Variants in PPFIBP2 observed in about 807,000 individuals in gnomAD.
The protein encoded by PPFIBP2 is liprin-beta-2.
PPFIBP2 carries 118 observed loss-of-function variants against 118.3 expected under a neutral mutation model. The observed-to-expected ratio is 1.00, with a 90% CI of 0.86 to 1.16. The LOEUF is 1.16. Ranked by LOEUF, PPFIBP2 falls within the 50% of genes most tolerant of loss-of-function variation. PPFIBP2 has a pLI of 0.00. For missense variants in PPFIBP2, 1,195 were observed against 1,073.1 expected (o/e 1.11, Z -1.59); for synonymous variants, 414 against 397.4 (o/e 1.04, Z -0.50).
At chr11:7,621,202 C>T (rs577711302) in intron 7 of PPFIBP2, among the ~76,000 whole-genome samples, 175 bp downstream of exon 7, 21 of 152,240 alleles carry the variant, frequency 1.4e-4, no homozygotes, top group African/African-American at 5.1e-4. Context: ...AGGAAAGATC[C>T]TCATGGAGAA....
At chr11:7,642,137 G>C in intron 16 of PPFIBP2, 161 bp from the exon 17 acceptor site, 1 of 809,094 alleles carries the variant, frequency 1.2e-6, no homozygotes, top group Non-Finnish European at 1.9e-6. Flanking sequence ...TGGCCAAGGA[G>C]CTGCGACAGG....
rs570472648 is a variant in PPFIBP2, at chr11:7,649,232, T to A, written c.1995T>A (p.Thr665=). The A allele has an allele frequency of 6.2e-7, 1 of 1,611,688 alleles. No homozygotes were observed. The highest frequency in any genetic ancestry group is 2.2e-5 in the East Asian group (1 of 44,882). ...ACAGACGAATGCTGCAATACCTAACTGTGGTGAGGACTTTTTCTTTAAATA... is the reference window on the plus strand; with the variant it reads ...ACAGACGAATGCTGCAATACCTAACAGTGGTGAGGACTTTTTCTTTAAATA... ...RVDRRMLQYL[T]VNDLLFLKVT... The change falls in exon 20 of 24, where the codon ACT becomes ACA. Residue 665 remains threonine, a synonymous_variant. Coordinates refer to ENST00000299492, the MANE Select transcript of PPFIBP2 (RefSeq NM_003621.5).
intron 1 of PPFIBP2, among the ~76,000 whole-genome samples, chr11:7,537,437 G>A (rs922133563): frequency 5.9e-5 from 9 of 152,222 alleles, no homozygotes; most frequent in Admixed American, 2.6e-4. Context: ...GCACAGGCTC[G>A]AAATAATTCA....
rs1207006337 is a variant in PPFIBP2 at position 7,616,327 on chromosome 11, T to C, written c.619-4608T>C. Among the ~76,000 whole-genome samples, 2 of 152,230 alleles carry C rather than the reference T, an allele frequency of 1.3e-5. No homozygotes were observed. The highest frequency in any genetic ancestry group is 2.9e-5 in the Non-Finnish European group (2 of 68,040). ...TTGCTAGAAAACTGGAAATGAACCA[T>C]TTCCTTCTTGATTTTCAAAATGGCA... On this transcript the variant is annotated intron_variant, in intron 6 of 23. Transcript: ENST00000299492. This position sits in a 1 kb window ranked among gnomAD's most constrained non-coding sequence, Gnocchi z 5.2.
chr11:7,636,226 T>TGAAA (rs1565099984), intron 14 of PPFIBP2, among the ~76,000 whole-genome samples: 2 of 152,192 alleles, frequency 1.3e-5, no homozygotes, highest in Non-Finnish European at 2.9e-5. Flanking sequence ...CATGTCCATA[T>TGAAA]GAAACATGGA....
intron 9 of PPFIBP2, among the ~76,000 whole-genome samples, chr11:7,628,966 C>T (rs1850389731): frequency 6.6e-6 from 1 of 152,208 alleles, no homozygotes; most frequent in Non-Finnish European, 1.5e-5. Context: ...TGTCTATGAC[C>T]TGTGTGGTCT....
chr11:7,657,320 T>C (rs1392681253), downstream of PPFIBP2, among the ~76,000 whole-genome samples: 2 of 152,148 alleles, frequency 1.3e-5, no homozygotes, highest in Non-Finnish European at 2.9e-5. Context: ...GGCAGGTGTT[T>C]AGGGTATGAG....
intron 5 of PPFIBP2, chr11:7,598,596 T>A (rs1251921120): frequency 6.5e-6 from 1 of 154,760 alleles, no homozygotes; most frequent in African/African-American, 2.4e-5. Context: ...CTGAAGTTTA[T>A]GTGTGTATGC....
chr11:7,646,790 C>G (rs1353537770), intron 17 of PPFIBP2, among the ~76,000 whole-genome samples: 5 of 152,054 alleles, frequency 3.3e-5, no homozygotes, highest in East Asian at 1.9e-4. Context: ...ATAACAAATA[C>G]CCTGTCTCAA....
intron 1 of PPFIBP2, among the ~76,000 whole-genome samples, chr11:7,532,931 T>G (rs1375101890): frequency 6.6e-6 from 1 of 152,238 alleles, no homozygotes; most frequent in African/African-American, 2.4e-5. Flanking sequence ...TTCTGGGGCC[T>G]ATTCCTCAGC....
intron 3 of PPFIBP2, among the ~76,000 whole-genome samples, chr11:7,579,897 T>C: frequency 6.6e-6 from 1 of 151,410 alleles, no homozygotes; most frequent in East Asian, 1.9e-4. Flanking sequence ...GTGATAAGAG[T>C]ATTTTCACTA....
At chr11:7,657,976 G>T (rs1163831942), downstream of PPFIBP2, among the ~76,000 whole-genome samples, 1 of 152,232 alleles carries the variant, frequency 6.6e-6, no homozygotes, top group South Asian at 2.1e-4. Context: ...TCCTTCGCAT[G>T]TGTGTGTTAA....
At chr11:7,565,505 C>T (rs768369725) in intron 2 of PPFIBP2, 48 bp from the exon 3 acceptor site, 39 of 1,591,140 alleles carry the variant, frequency 2.5e-5, no homozygotes, top group Non-Finnish European at 3.4e-5. Flanking sequence ...GTACCTTGCT[C>T]AGGGTGTCCA....
Position 7,649,094 on chromosome 11 carries a change from A to G in PPFIBP2, c.1910-53A>G, listed in dbSNP as rs1314664502. The stretch of plus-strand genomic sequence containing the variant: ...ATTTGCTCCCCTTTTTTTGGTGTCT[A>G]CATTCTCTCATTCTCATGAATCCTG... On this transcript the variant is annotated intron_variant, in intron 19 of 23. Coordinates refer to ENST00000299492, the MANE Select transcript of PPFIBP2 (RefSeq NM_003621.5). The G allele has an allele frequency of 9.7e-6, 15 of 1,544,980 alleles. No individual in the cohort carries two copies. In the East Asian group the frequency reaches 1.3e-4, roughly 14 times the overall value.
At chr11:7,538,332 T>A (rs1851423730) in intron 1 of PPFIBP2, 1 of 152,332 alleles carries the variant, frequency 6.6e-6, no homozygotes, top group African/African-American at 2.4e-5. Flanking sequence ...TCAGAGGGAG[T>A]CTGACTTCGG....
At chr11:7,665,408 A>T in the PPFIBP2 span, 2 of 1,604,536 alleles carry the variant, frequency 1.2e-6, no homozygotes, top group South Asian at 2.2e-5. Flanking sequence ...GGTATAACCC[A>T]GCTTCTCCAG....
At chr11:7,635,134 T>A (rs1469138579) in intron 13 of PPFIBP2, among the ~76,000 whole-genome samples, 1 of 152,142 alleles carries the variant, frequency 6.6e-6, no homozygotes, top group Non-Finnish European at 1.5e-5. Flanking sequence ...TAGCAGGCTC[T>A]TGAGCTTGGT....
chr11:7,646,603 T>C (rs1853102382), intron 17 of PPFIBP2, among the ~76,000 whole-genome samples: 1 of 152,324 alleles, frequency 6.6e-6, no homozygotes, highest in South Asian at 2.1e-4. Context: ...CTCAGACCTG[T>C]AGTCCCAGCT....
chr11:7,540,343 G>T (rs1176134544), intron 1 of PPFIBP2, among the ~76,000 whole-genome samples: 1 of 152,134 alleles, frequency 6.6e-6, no homozygotes, highest in Non-Finnish European at 1.5e-5. Context: ...TGAAGATGAG[G>T]GGACAGATCT....
Sources: gnomAD v4.1 joint callset for allele counts (sites outside exome capture counted in the v4.1 genomes callset) on GRCh38, gnomAD v4.1.1 for gene constraint, Gnocchi (gnomAD v3.1) non-coding constraint, MANE v1.5 for transcripts, NCBI Gene and HGNC (gene_info 2026-07-23, HGNC 2026-07-21) for gene names.